PABIR3: variants seen among roughly 807,000 people sequenced by gnomAD.
The protein encoded by PABIR3 is PABIR family member 3, also known as PABIR family member 1.
Under a neutral mutation model 23.1 loss-of-function variants are expected in PABIR3, and 20 were observed. The ratio of observed to expected loss-of-function variants is 0.86; its 90% CI spans 0.61 to 1.26. PABIR3 has a LOEUF of 1.26. Among genes scored for constraint, PABIR3 ranks in the 50% most tolerant of loss-of-function variants. The pLI is 0.00. For missense variants in PABIR3, 189 were observed against 195.4 expected (o/e 0.97, Z 0.20); for synonymous variants, 69 against 68.5 (o/e 1.01, Z -0.04).
At position 134,814,845 on chromosome X, in the gene PABIR3, C is replaced by T. The variant is rs1473985059; in HGVS notation, c.185C>T (p.Ser62Phe). The change falls in exon 3 of 11, where the codon TCT becomes TTT. Residue 62 changes from serine to phenylalanine, a missense_variant. Physicochemically the swap from Ser to Phe is radical, Grantham distance 155. Transcript: ENST00000645433. ...TNRTTFRNRR[S>F]LLLPPPPFHG... ...AGAACAACATTTAGGAATCGACGCT[C>T]TCTGGTAAGGAAATGCTTATAGTGG... is the stretch of plus-strand genomic sequence containing the variant. 1 of 1,188,879 alleles carries T rather than the reference C, an allele frequency of 8.4e-7. No individual in the cohort carries two copies. Among genetic ancestry groups the T allele is most frequent in the Non-Finnish European group, 1.1e-6 (1 of 880,305 alleles).
intron 3 of PABIR3, among the ~76,000 whole-genome samples, chrX:134,828,047 C>CTCTCTCTCTCTCTCTCTATATATATATA (rs1466733144): frequency 2.0e-5 from 1 of 49,409 alleles, no homozygotes; most frequent in African/African-American, 8.2e-5. Context: ...CTCTCTCTCT[C>CTCTCTCTCTCTCTCTCTATATATATATA]TATATATATA....
At chrX:134,802,387 A>T (rs1306681634), upstream of PABIR3, among the ~76,000 whole-genome samples, 1 of 111,404 alleles carries the variant, frequency 9.0e-6, no homozygotes, top group African/African-American at 3.3e-5. Context: ...GCCCGGCCTC[A>T]AGTGCACTCT....
Position 134,810,264 on chromosome X carries a change from C to G in PABIR3, c.110+2556C>G, listed in dbSNP as rs769413878. 3.7e-4 allele frequency: 279 copies of G among 752,805 alleles called. 2 individuals carry two copies. In the African/African-American group the frequency reaches 6.2e-3, roughly 17 times the overall value. 62.0% of individuals were successfully genotyped at this position (752,805 alleles called of 1,213,427 possible). ...AGAGATCTCAGTTATCCCTTCATACCTTGCTTTGTTCTGCAAAGGATTTTT... is the reference window on the plus strand; with the variant it reads ...AGAGATCTCAGTTATCCCTTCATACGTTGCTTTGTTCTGCAAAGGATTTTT... On this transcript the variant is annotated intron_variant, in intron 2 of 10. Transcript: ENST00000645433.
upstream of PABIR3, among the ~76,000 whole-genome samples, chrX:134,806,222 TA>T (rs2080224401): frequency 8.9e-6 from 1 of 112,567 alleles, no homozygotes; most frequent in Non-Finnish European, 1.9e-5. Flanking sequence ...TATTTGTTTT[TA>T]AAAAAGCCTC....
intron 9 of PABIR3, among the ~76,000 whole-genome samples, chrX:134,849,869 C>CTTTTTTTTTTTTTTTTTTTTTTT (rs374919785): frequency 5.1e-5 from 3 of 58,854 alleles, no homozygotes; most frequent in African/African-American, 7.6e-5. Flanking sequence ...GCTCTTCTTC[C>CTTTTTTTTTTTTTTTTTTTTTTT]TTTTTTTTTT....
intron 10 of PABIR3, among the ~76,000 whole-genome samples, 159 bp from the exon 11 acceptor site, chrX:134,853,932 A>G (rs780279818): frequency 5.4e-5 from 6 of 111,892 alleles, no homozygotes; most frequent in African/African-American, 1.6e-4. Flanking sequence ...ATTTCTATTT[A>G]TTGTTACTGG....
chrX:134,832,917 A>G (rs1338582510), intron 4 of PABIR3: 11 of 111,566 alleles, frequency 9.9e-5, no homozygotes, highest in Admixed American at 9.6e-4. Flanking sequence ...GCTGGATCAT[A>G]TGGTAACTCT....
At chrX:134,818,152 G>A (rs1206675440) in intron 3 of PABIR3, among the ~76,000 whole-genome samples, 4 of 111,492 alleles carry the variant, frequency 3.6e-5, no homozygotes, top group Non-Finnish European at 7.5e-5. Context: ...TTACAAAGGA[G>A]GATGAGTTTA....
downstream of PABIR3, among the ~76,000 whole-genome samples, chrX:134,859,393 C>T (rs1397187764): frequency 9.0e-6 from 1 of 111,652 alleles, no homozygotes; most frequent in African/African-American, 3.3e-5. Context: ...AGTTTCCTCT[C>T]TTTTCTGAAT....
intron 3 of PABIR3, among the ~76,000 whole-genome samples, chrX:134,815,189 CT>C (rs776621587): frequency 0.012 from 1,260 of 102,482 alleles, 12 homozygotes; most frequent in African/African-American, 0.039. Flanking sequence ...TCTGGTTTCC[CT>C]TTTTTTTTTT....
At chrX:134,823,791 G>A (rs770256071) in intron 3 of PABIR3, among the ~76,000 whole-genome samples, 1 of 110,482 alleles carries the variant, frequency 9.1e-6, no homozygotes, top group African/African-American at 3.3e-5. Flanking sequence ...TGCTTTGAAA[G>A]TTTGATTATT....
chrX:134,797,853 G>A (rs1464992578), intron 1 of PABIR3, among the ~76,000 whole-genome samples: 1 of 97,046 alleles, frequency 1.0e-5, no homozygotes, highest in Non-Finnish European at 2.0e-5. Flanking sequence ...TCGCTCTTTC[G>A]CCCAGGCTGG....
intron 3 of PABIR3, among the ~76,000 whole-genome samples, chrX:134,816,017 A>G (rs73568769): frequency 0.013 from 1,427 of 111,881 alleles, 22 homozygotes; most frequent in African/African-American, 0.045. Flanking sequence ...GTGTTGAATT[A>G]TTTCAAGTGC....
chrX:134,850,619 C>T (rs1049833873), intron 9 of PABIR3, among the ~76,000 whole-genome samples: 4 of 111,956 alleles, frequency 3.6e-5, no homozygotes, highest in African/African-American at 1.3e-4. Context: ...GAGTGTTTTA[C>T]CAGATTAAAA....
At chrX:134,848,860 G>A (rs981298268) in intron 8 of PABIR3, among the ~76,000 whole-genome samples, 10 of 111,225 alleles carry the variant, frequency 9.0e-5, no homozygotes, top group South Asian at 3.8e-4. Context: ...AAAATTAGCC[G>A]AGTGTGGTGG....
chrX:134,858,066 A>G (rs1195252090), downstream of PABIR3, among the ~76,000 whole-genome samples: 1 of 111,734 alleles, frequency 8.9e-6, no homozygotes, highest in Non-Finnish European at 1.9e-5. Context: ...CTTTTACTGT[A>G]AAAATAGGAT....
Position 134,854,181 on chromosome X carries a change from T to G in PABIR3, c.777T>G (p.Pro259=). The change falls in exon 11 of 11, where the codon CCT becomes CCG. Residue 259 remains proline, a synonymous_variant. Coordinates refer to ENST00000645433, the MANE Select transcript of PABIR3 (RefSeq NM_001388447.1). ...AAATCGGCACTGTCACAAACTCTCC[T>G]GTGTCACCTTCTGATACTGGTTCTC... The part of the protein sequence containing the change: ...SAEIGTVTNS[P]VSPSDTGSHL... 1 of 1,210,580 alleles carries G rather than the reference T, an allele frequency of 8.3e-7. No homozygotes were observed. The highest frequency in any genetic ancestry group is 1.1e-6 in the Non-Finnish European group (1 of 894,602).
At chrX:134,810,705 T>C in intron 2 of PABIR3, 1 of 754,445 alleles carries the variant, frequency 1.3e-6, no homozygotes, top group African/African-American at 2.3e-5. Context: ...CCCTTTTTTT[T>C]TCCTTCCTTG....
chrX:134,850,049 A>G (rs112243425), intron 9 of PABIR3, among the ~76,000 whole-genome samples: 5 of 106,459 alleles, frequency 4.7e-5, no homozygotes, highest in African/African-American at 1.7e-4. Context: ...ATTTTTTTGT[A>G]TTTTTAGTAG....
Sources: allele counts gnomAD v4.1 joint callset (sites outside exome capture counted in the v4.1 genomes callset), GRCh38; gene constraint gnomAD v4.1.1; transcripts MANE v1.5; gene names NCBI Gene and HGNC (gene_info 2026-07-23, HGNC 2026-07-21).